The following SLIT2 variants were observed in gnomAD, a reference collection of about 807,000 sequenced individuals.
The protein encoded by SLIT2 is slit guidance ligand 2, also known as slit homolog 2 protein.
Under a neutral mutation model 185.7 loss-of-function variants are expected in SLIT2, and 41 were observed. The observed-to-expected ratio is 0.22, with a 90% CI of 0.17 to 0.29. The LOEUF is 0.29. SLIT2 is among the 10% of genes least tolerant of loss of function. The probability of loss-of-function intolerance (pLI) is 1.00; values close to 1 mark genes in which losing one functional copy is unlikely to be tolerated. For missense variants in SLIT2, 1,571 were observed against 1,909.0 expected, an observed-to-expected ratio of 0.82 and a Z score of 3.30; for synonymous variants, 693 against 680.2, an observed-to-expected ratio of 1.02 and a Z score of -0.29.
chr4:20,254,814 C>A lies in SLIT2; in HGVS notation c.179+820C>A. The stretch of plus-strand genomic sequence containing the variant: ...GGCCCTTCCTGCTGAACCCCTGCGT[C>A]CCCATCCACCTTTCTGGCAGTTTCT... On this transcript the variant is annotated intron_variant, in intron 1 of 36. Transcript: ENST00000504154. This position sits in a 1 kb window ranked among gnomAD's most constrained non-coding sequence, Gnocchi z 5.1. 2.4e-6 allele frequency: 1 copy of A among 417,478 alleles called. No homozygotes were observed. The highest frequency in any genetic ancestry group is 4.8e-6 in the Non-Finnish European group (1 of 207,460). The allele number at this position is 417,478 out of a possible 1,614,324, so 25.9% of individuals were successfully genotyped here.
rs373245005 is a variant in SLIT2 at position 20,295,735 on chromosome 4, A to G, written c.395+26854A>G. Among the ~76,000 whole-genome samples, 14 of 152,316 alleles carry G rather than the reference A, an allele frequency of 9.2e-5. No individual in the cohort carries two copies. In the South Asian group the frequency reaches 1.4e-3, roughly 16 times the overall value. On this transcript the variant is annotated intron_variant, in intron 4 of 36. Coordinates refer to ENST00000504154, the MANE Select transcript of SLIT2 (RefSeq NM_004787.4). ...TATTGAAAGATTTTTGCTGTGCACA[A>G]TGATTTATTTATTTAAAAAATTTAA...
chr4:20,530,369 A>G (rs1721688998), intron 16 of SLIT2, among the ~76,000 whole-genome samples: 1 of 151,840 alleles, frequency 6.6e-6, no homozygotes. Context: ...TCCTGGGCGC[A>G]AGGGATCCTC....
chr4:20,335,187 G>A (rs1720393197), intron 4 of SLIT2, among the ~76,000 whole-genome samples: 1 of 152,050 alleles, frequency 6.6e-6, no homozygotes, highest in Non-Finnish European at 1.5e-5. Flanking sequence ...AGATTTGAAT[G>A]GGGACACAGC....
rs747075467 is a variant in SLIT2 at position 20,567,248 on chromosome 4, GAATT to G, written c.2726-9_2726-6del. The G allele has an allele frequency of 1.1e-5, 17 of 1,593,266 alleles. No individual in the cohort carries two copies. In the Middle Eastern group the frequency reaches 6.7e-4, roughly 63 times the overall value. On this transcript the variant is annotated splice_polypyrimidine_tract_variant and intron_variant, in intron 26 of 36. Coordinates refer to ENST00000504154, the MANE Select transcript of SLIT2 (RefSeq NM_004787.4). ...AAGAGCGTCAGTTGCTTATATTTTT[GAATT>G]AATTTTCAGGTCCTGTGGATGTCAA...
chr4:20,375,319 T>C (rs1723932037), intron 4 of SLIT2, among the ~76,000 whole-genome samples: 1 of 152,036 alleles, frequency 6.6e-6, no homozygotes, highest in Non-Finnish European at 1.5e-5. Context: ...ATTGTAGAAA[T>C]GGTACAATGG....
intron 5 of SLIT2, among the ~76,000 whole-genome samples, chr4:20,468,681 T>C (rs1714634415): frequency 6.6e-6 from 1 of 152,122 alleles, no homozygotes; most frequent in Non-Finnish European, 1.5e-5. Context: ...TCCTAGGACA[T>C]AAATGTTTTT....
In SLIT2 at chr4:20,511,184, G is replaced by A. The variant is rs187091762; in HGVS notation, c.1058+47G>A. ...GAAGGAAAAGAGAAGCCACAACAAA[G>A]AGTGGCTACCTTTTTTAAATTGGGG... On this transcript the variant is annotated intron_variant, in intron 11 of 36. Coordinates refer to ENST00000504154, the MANE Select transcript of SLIT2 (RefSeq NM_004787.4). 3,051 of 1,120,688 alleles carry A rather than the reference G, an allele frequency of 2.7e-3. 30 individuals are homozygous for A. Among genetic ancestry groups the A allele is most frequent in the South Asian group, 0.018 (1,341 of 75,952 alleles). The allele number at this position is 1,120,688 out of a possible 1,614,324, so 69.4% of individuals were successfully genotyped here.
At chr4:20,312,786 A>G (rs1029139892) in intron 4 of SLIT2, among the ~76,000 whole-genome samples, 19 of 137,660 alleles carry the variant, frequency 1.4e-4, no homozygotes, top group Admixed American at 9.4e-4. Context: ...AAAAAAAAAA[A>G]AAAAAAAGAA....
At chr4:20,261,289 A>T (rs796583292) in intron 3 of SLIT2, among the ~76,000 whole-genome samples, 5 of 152,028 alleles carry the variant, frequency 3.3e-5, no homozygotes, top group African/African-American at 1.2e-4. Context: ...TTCAATGGAA[A>T]TTCGGATAAA....
Position 20,568,958 on chromosome 4 carries a change from C to T in SLIT2, c.3042C>T (p.Val1014=), listed in dbSNP as rs747776989. ...ACTGTGAAAATAATTCTACATGTGT[C>T]GATGGCATTAATAACTACACATGCC... ...DNDCENNSTC[V]DGINNYTCLC... The change falls in exon 29 of 37, where the codon GTC becomes GTT. Residue 1014 remains valine, a synonymous_variant. Transcript: ENST00000504154. 2.3e-5 allele frequency: 37 copies of T among 1,611,960 alleles called. No individual in the cohort carries two copies. Among genetic ancestry groups the T allele is most frequent in the East Asian group, 1.6e-4 (7 of 44,804 alleles).
At chr4:20,561,159 A>T (rs547244464) in intron 26 of SLIT2, among the ~76,000 whole-genome samples, 1 of 151,952 alleles carries the variant, frequency 6.6e-6, no homozygotes, top group South Asian at 2.1e-4. Context: ...GGTAGCCATG[A>T]GCTCAAAAGA....
chr4:20,396,982 ATTAAT>A (rs954396747), intron 4 of SLIT2, among the ~76,000 whole-genome samples: 4 of 151,338 alleles, frequency 2.6e-5, no homozygotes, highest in Admixed American at 1.3e-4. Context: ...ATATTAAATG[ATTAAT>A]TTACGCATAT....
intron 4 of SLIT2, among the ~76,000 whole-genome samples, chr4:20,314,635 C>T (rs896353391): frequency 6.6e-6 from 1 of 151,980 alleles, no homozygotes. Context: ...TTCATATTCC[C>T]ATGAACTAAT....
intron 5 of SLIT2, among the ~76,000 whole-genome samples, chr4:20,478,210 T>C (rs1716324684): frequency 6.6e-6 from 1 of 152,204 alleles, no homozygotes; most frequent in Non-Finnish European, 1.5e-5. Context: ...CTTGTTTAAC[T>C]TGGATTGCCC....
intron 26 of SLIT2, among the ~76,000 whole-genome samples, chr4:20,557,856 G>T (rs1724391557): frequency 6.6e-6 from 1 of 151,984 alleles, no homozygotes; most frequent in Non-Finnish European, 1.5e-5. Context: ...ACAGGAGTTT[G>T]GAAGAAGTTG....
chr4:20,486,131 A>G (rs557587739), intron 6 of SLIT2, 69 bp from the exon 7 acceptor site: 10 of 947,328 alleles, frequency 1.1e-5, no homozygotes, highest in Admixed American at 5.4e-5. Context: ...CGTTTTCTCT[A>G]TGTTAATATA....
rs1577599168 is a variant in SLIT2, at chr4:20,409,735, G to GT, written c.396-58011dup. Among the ~76,000 whole-genome samples the GT allele has an allele frequency of 4.6e-5, 7 of 152,170 alleles. No individual in the cohort carries two copies. The East Asian group carries it at 1.4e-3, about 29-fold the overall frequency. On this transcript the variant is annotated intron_variant, in intron 4 of 36. Transcript: ENST00000504154. ...TCTCCACAACCTCGCCAGCACCTGTGTTTTTTAACTTTTTAATAATAGCTA... is the reference window on the plus strand; with the variant it reads ...TCTCCACAACCTCGCCAGCACCTGTGTTTTTTTAACTTTTTAATAATAGCTA...
intron 4 of SLIT2, among the ~76,000 whole-genome samples, chr4:20,294,314 A>T (rs1245153088): frequency 4.0e-5 from 6 of 150,428 alleles, no homozygotes; most frequent in Non-Finnish European, 8.8e-5. Context: ...ACACCACTGC[A>T]CTCCATCCTG....
At chr4:20,440,889 A>G (rs1729690383) in intron 4 of SLIT2, among the ~76,000 whole-genome samples, 1 of 152,262 alleles carries the variant, frequency 6.6e-6, no homozygotes, top group African/African-American at 2.4e-5. Flanking sequence ...ATCGTACCCA[A>G]ACACTGATGA....
Sources: gnomAD v4.1 joint callset for allele counts (sites outside exome capture counted in the v4.1 genomes callset) on GRCh38, gnomAD v4.1.1 for gene constraint, Gnocchi (gnomAD v3.1) non-coding constraint, MANE v1.5 for transcripts, NCBI Gene and HGNC (gene_info 2026-07-23, HGNC 2026-07-21) for gene names.